TTK: variants seen among roughly 807,000 people sequenced by gnomAD.
TTK encodes dual specificity protein kinase TTK.
Under a neutral mutation model 117.3 loss-of-function variants are expected in TTK, and 59 were observed. The ratio of observed to expected loss-of-function variants is 0.50; its 90% CI spans 0.41 to 0.62. The LOEUF is 0.62. Ranked by LOEUF, TTK falls within the 20% of genes least tolerant of loss-of-function variation. The pLI, the probability that TTK is intolerant of heterozygous loss-of-function variation, is 0.00. For synonymous variants in TTK, 302 were observed against 325.0 expected (o/e 0.93, Z 0.76); for missense variants, 921 against 989.4 (o/e 0.93, Z 0.93).
chr6:80,026,720 G>A (rs972480532), intron 12 of TTK, among the ~76,000 whole-genome samples: 1 of 152,180 alleles, frequency 6.6e-6, no homozygotes, highest in Admixed American at 6.6e-5. Flanking sequence ...AAGGATTGTT[G>A]TGCATGTAGT....
At position 80,008,439 on chromosome 6, in the gene TTK, G is replaced by GC; in HGVS notation, c.417dup (p.Lys140GlnfsTer14). ...TACTTTCAAATGGCCAGAGCAAACT[G>GC]CAAGAAATTTGCTTTTGTTCATATA... On this transcript the variant is annotated frameshift_variant, in exon 4 of 22. Transcript: ENST00000369798. LOFTEE classifies it high-confidence loss of function. 6.2e-7 allele frequency: 1 copy of GC among 1,612,344 alleles called. No homozygotes were observed. The highest frequency in any genetic ancestry group is 8.5e-7 in the Non-Finnish European group (1 of 1,179,082).
chr6:80,035,222 C>A, intron 15 of TTK, 44 bp from the exon 16 acceptor site: 1 of 1,550,076 alleles, frequency 6.5e-7, no homozygotes, highest in Non-Finnish European at 8.7e-7. Context: ...TTTAATATAA[C>A]CTAGCCATTT....
chr6:80,035,556 A>C, intron 16 of TTK, 139 bp downstream of exon 16: 1 of 951,560 alleles, frequency 1.1e-6, no homozygotes, highest in Non-Finnish European at 1.5e-6. Flanking sequence ...AGTTTATTTA[A>C]AGATAAAGGA....
In TTK at chr6:80,020,825, C is replaced by T. The variant is rs77716271; in HGVS notation, c.1109-1499C>T. On this transcript the variant is annotated intron_variant, in intron 10 of 21. Transcript: ENST00000369798. ...TGCTTTCTAGTCTTGCTGGGCGGGA[C>T]GGAGACAGTTTCAAAGCACCCTTGG... Among the ~76,000 whole-genome samples the T allele has an allele frequency of 4.5e-3, 689 of 152,274 alleles. 5 individuals are homozygous for T. The highest frequency in any genetic ancestry group is 0.016 in the African/African-American group (651 of 41,542).
At chr6:80,007,377 A>C (rs1245755905) in intron 2 of TTK, among the ~76,000 whole-genome samples, 1 of 152,166 alleles carries the variant, frequency 6.6e-6, no homozygotes, top group Non-Finnish European at 1.5e-5. Flanking sequence ...GGACTGGAGC[A>C]GTAGGTTTAA....
intron 1 of TTK, among the ~76,000 whole-genome samples, chr6:80,005,446 G>A (rs9341801): frequency 0.29 from 44,448 of 152,100 alleles, 7,947 homozygotes; most frequent in East Asian, 0.63. Flanking sequence ...GCGAATAAAG[G>A]AATTGTTATT....
rs1003720871 is a variant in TTK, at chr6:80,011,308, G to T, written c.614-126G>T. ...TTATCTTGGTATCATCTTCATGTCT[G>T]CATATCTTACTTGGGGACAAGTATT... On this transcript the variant is annotated intron_variant, in intron 5 of 21. Coordinates refer to ENST00000369798, the MANE Select transcript of TTK (RefSeq NM_003318.5). 2.7e-5 allele frequency: 16 copies of T among 596,672 alleles called. No individual in the cohort carries two copies. In the Admixed American group the frequency reaches 3.3e-4, roughly 12 times the overall value. The allele number at this position is 596,672 out of a possible 1,614,324, so 37.0% of individuals were successfully genotyped here.
Position 80,035,108 on chromosome 6 carries a change from C to A in TTK, c.1738C>A (p.Gln580Lys). ...NEIAYLNKLQ[Q>K]HSDKIIRLYD... Reference sequence around the variant, plus strand: ...AATAGCTTATTTGAATAAACTACAACAACACAGTGATAAGATCATCCGACT... The same window carrying A: ...AATAGCTTATTTGAATAAACTACAAAAACACAGTGATAAGATCATCCGACT... Residue 580 changes from glutamine to lysine, a missense_variant, in exon 15 of 22, where the codon CAA (glutamine) becomes AAA (lysine). Coordinates refer to ENST00000369798, the MANE Select transcript of TTK (RefSeq NM_003318.5). 1.3e-6 allele frequency: 2 copies of A among 1,585,574 alleles called. No individual in the cohort carries two copies. Among genetic ancestry groups the A allele is most frequent in the Admixed American group, 1.9e-5 (1 of 52,390 alleles).
At chr6:80,012,882 T>A (rs1767198675) in intron 8 of TTK, among the ~76,000 whole-genome samples, 1 of 152,124 alleles carries the variant, frequency 6.6e-6, no homozygotes, top group African/African-American at 2.4e-5. Flanking sequence ...AGCCATTTTC[T>A]TGGTTCCTGT....
chr6:80,012,693 A>G (rs1470211483), intron 8 of TTK, among the ~76,000 whole-genome samples: 3 of 152,084 alleles, frequency 2.0e-5, no homozygotes, highest in Non-Finnish European at 2.9e-5. Context: ...TTACATTTCT[A>G]TTATATTTAG....
intron 21 of TTK, among the ~76,000 whole-genome samples, chr6:80,040,951 C>T (rs1484217543): frequency 6.6e-6 from 1 of 151,788 alleles, no homozygotes; most frequent in Non-Finnish European, 1.5e-5. Flanking sequence ...ATTGCTGTCA[C>T]GTCTCAACTG....
chr6:80,010,460 C>A (rs1376915657), intron 4 of TTK, among the ~76,000 whole-genome samples: 1 of 150,156 alleles, frequency 6.7e-6, no homozygotes, highest in Non-Finnish European at 1.5e-5. Context: ...GAATGCCCTC[C>A]TGTTTCTAAC....
intron 11 of TTK, among the ~76,000 whole-genome samples, chr6:80,023,330 A>G (rs1229400508): frequency 5.3e-5 from 8 of 152,250 alleles, no homozygotes; most frequent in African/African-American, 1.7e-4. Context: ...ACGATGGCTC[A>G]CGCCTGTAAT....
chr6:80,022,604 T>A, intron 11 of TTK, 132 bp downstream of exon 11: 2 of 1,045,572 alleles, frequency 1.9e-6, no homozygotes, highest in Non-Finnish European at 2.6e-6. Flanking sequence ...TAAAGGTTTT[T>A]AAAATCATTT....
chr6:80,040,777 T>C (rs952859261), intron 21 of TTK, 74 bp downstream of exon 21: 9 of 1,440,320 alleles, frequency 6.2e-6, no homozygotes, highest in Non-Finnish European at 8.5e-6. Flanking sequence ...AAACAGGTAG[T>C]CTGAAGAAAA....
intron 3 of TTK, 55 bp from the exon 4 acceptor site, chr6:80,008,331 A>G: frequency 1.3e-6 from 2 of 1,536,930 alleles, no homozygotes; most frequent in Non-Finnish European, 1.8e-6. Context: ...AGCATTATCA[A>G]ATTTAAGTAG....
In TTK at chr6:80,042,180, A is replaced by G. The variant is rs752175870; in HGVS notation, c.2552A>G (p.Glu851Gly). 11 of 1,580,942 alleles carry G rather than the reference A, an allele frequency of 7.0e-6. No homozygotes were observed. The highest frequency in any genetic ancestry group is 2.7e-5 in the African/African-American group (2 of 73,672). ...SHNSSSSKTF[E>G]KKRGKK ...AATTCTTCATCCTCCAAGACTTTTG[A>G]AAAAAAAAGGGGAAAAAAATGATTT... Residue 851 changes from glutamate to glycine, a missense_variant, in exon 22 of 22, where the codon GAA becomes GGA. Glu to Gly is a moderately conservative substitution (Grantham distance 98). Coordinates refer to ENST00000369798, the MANE Select transcript of TTK (RefSeq NM_003318.5).
chr6:80,022,096 C>T (rs984779791), intron 10 of TTK, among the ~76,000 whole-genome samples: 2 of 152,134 alleles, frequency 1.3e-5, no homozygotes, highest in Admixed American at 6.5e-5. Context: ...AGGTCTCTGA[C>T]AAAGTTCTTA....
chr6:80,005,762 C>A, intron 1 of TTK, 80 bp from the exon 2 acceptor site: 1 of 1,518,932 alleles, frequency 6.6e-7, no homozygotes. Context: ...CTTTAGTCGT[C>A]TGGGTTCTAA....
Sources: gnomAD v4.1 joint callset for allele counts (sites outside exome capture counted in the v4.1 genomes callset) on GRCh38, gnomAD v4.1.1 for gene constraint, MANE v1.5 for transcripts, NCBI Gene and HGNC (gene_info 2026-07-23, HGNC 2026-07-21) for gene names.